Variants in MTMR3 observed in about 807,000 individuals in gnomAD.
MTMR3 encodes the protein myotubularin related protein 3, also known as phosphatidylinositol-3,5-bisphosphate 3-phosphatase MTMR3.
A neutral mutation model predicts 132.4 loss-of-function variants in MTMR3; 32 were observed. The observed-to-expected ratio is 0.24, with a 90% CI of 0.18 to 0.32. The LOEUF (loss-of-function observed/expected upper bound fraction) is 0.32, where lower values mean the gene tolerates loss of function less well. Among genes scored for constraint, MTMR3 ranks in the 10% least tolerant of loss-of-function variants. The pLI is 1.00. For missense variants in MTMR3, 1,216 were observed against 1,489.6 expected (o/e 0.82, Z 3.02); for synonymous variants, 556 against 550.3 (o/e 1.01, Z -0.14).
chr22:29,892,826 T>TATAC (rs2064825628), intron 1 of MTMR3, among the ~76,000 whole-genome samples: 2 of 152,242 alleles, frequency 1.3e-5, no homozygotes, highest in South Asian at 4.1e-4. Context: ...ATGATTGCTA[T>TATAC]ATACAGTGCT....
chr22:29,991,817 T>A, intron 7 of MTMR3, 147 bp downstream of exon 7: 2 of 762,416 alleles, frequency 2.6e-6, no homozygotes, highest in East Asian at 3.1e-5. Flanking sequence ...AGCATTCTTT[T>A]AAGCTTAATA....
At chr22:29,894,801 A>C (rs1028157898) in intron 1 of MTMR3, among the ~76,000 whole-genome samples, 3 of 152,176 alleles carry the variant, frequency 2.0e-5, no homozygotes, top group African/African-American at 7.2e-5. Flanking sequence ...TTTTGCTGTT[A>C]GTTTACTGCA....
In MTMR3 at chr22:30,020,588, A is replaced by G. The variant is rs757404207; in HGVS notation, c.2929A>G (p.Met977Val). The stretch of plus-strand genomic sequence containing the variant: ...CTCACTGAGCCGTCAGCTGTCTGCT[A>G]TGAGCTGCAGCTCTGCCCACTTACA... ...KDSLSRQLSA[M>V]SCSSAHLHSR... is the part of the protein sequence containing the mutation. The change falls in exon 17 of 20, where the codon ATG becomes GTG. Residue 977 changes from methionine (M) to valine (V), a missense_variant. Coordinates refer to ENST00000401950, the MANE Select transcript of MTMR3 (RefSeq NM_021090.4). 1.9e-6 allele frequency: 3 copies of G among 1,614,190 alleles called. No homozygotes were observed. The highest frequency in any genetic ancestry group is 1.1e-5 in the South Asian group (1 of 91,084).
intron 1 of MTMR3, among the ~76,000 whole-genome samples, chr22:29,907,287 A>G (rs2065122324): frequency 1.3e-5 from 2 of 151,882 alleles, no homozygotes; most frequent in Admixed American, 6.6e-5. Flanking sequence ...CTGTAGTCCC[A>G]GCTACTTGGG....
rs779037928 is a variant in MTMR3 at position 30,013,549 on chromosome 22, T to G, written c.1503+8T>G. ...TTCAATGAAGCATTCCTTGTAAGTT[T>G]CTTCATTTTGGGGACTTTCTCAATT... On this transcript the variant is annotated splice_region_variant and intron_variant, in intron 14 of 19. Coordinates refer to ENST00000401950, the MANE Select transcript of MTMR3 (RefSeq NM_021090.4). 1.2e-6 allele frequency: 2 copies of G among 1,612,534 alleles called. No individual in the cohort carries two copies. Among genetic ancestry groups the G allele is most frequent in the Non-Finnish European group, 1.7e-6 (2 of 1,179,032 alleles).
chr22:29,928,278 T>C (rs2065565964), intron 1 of MTMR3, among the ~76,000 whole-genome samples: 1 of 151,494 alleles, frequency 6.6e-6, no homozygotes, highest in African/African-American at 2.4e-5. Flanking sequence ...GGGTAGTGAT[T>C]CTCCTGCTTC....
At chr22:30,013,623 T>G in intron 14 of MTMR3, 82 bp downstream of exon 14, 1 of 1,298,702 alleles carries the variant, frequency 7.7e-7, no homozygotes, top group South Asian at 1.5e-5. Context: ...CACATGAAAC[T>G]GTGCTGCCTC....
chr22:30,014,344 G>A (rs934815436), intron 14 of MTMR3: 6 of 152,086 alleles, frequency 3.9e-5, no homozygotes, highest in African/African-American at 1.2e-4. Flanking sequence ...ATTACCATTT[G>A]GCACAGTTTA....
intron 1 of MTMR3, among the ~76,000 whole-genome samples, chr22:29,917,361 A>C (rs976833030): frequency 1.3e-5 from 2 of 152,214 alleles, no homozygotes; most frequent in Non-Finnish European, 2.9e-5. Context: ...AGAGGAGCCA[A>C]GTGGCTCATG....
intron 1 of MTMR3, among the ~76,000 whole-genome samples, chr22:29,906,722 C>T (rs1225063999): frequency 1.3e-5 from 2 of 152,174 alleles, no homozygotes; most frequent in Non-Finnish European, 2.9e-5. Flanking sequence ...TACTGTGGAA[C>T]TACTTGAGTT....
At chr22:29,968,943 T>TA (rs1289841780) in intron 2 of MTMR3, among the ~76,000 whole-genome samples, 3 of 152,164 alleles carry the variant, frequency 2.0e-5, no homozygotes, top group African/African-American at 7.2e-5. Context: ...TTCCAGCCTC[T>TA]AAAAAATGGT....
chr22:29,930,154 T>G (rs2065613440), intron 1 of MTMR3, among the ~76,000 whole-genome samples: 1 of 152,228 alleles, frequency 6.6e-6, no homozygotes, highest in African/African-American at 2.4e-5. Flanking sequence ...GTAAATTGTC[T>G]ACAACAAAAT....
rs1024732519 is a variant in MTMR3, at chr22:30,026,837, A to C, written c.*1036A>C. Reference sequence around the variant, plus strand: ...AGCCTTTAGAGTTACAAGCCCCTGGAAAAGGGAGCAGGTCCCATACAATCA... The same window carrying C: ...AGCCTTTAGAGTTACAAGCCCCTGGCAAAGGGAGCAGGTCCCATACAATCA... On this transcript the variant is annotated 3_prime_UTR_variant, in exon 20 of 20. Transcript: ENST00000401950. The C allele has an allele frequency of 7.2e-5, 11 of 152,796 alleles. No individual in the cohort carries two copies. Among genetic ancestry groups the C allele is most frequent in the African/African-American group, 2.7e-4 (11 of 41,432 alleles). The allele number at this position is 152,796 out of a possible 1,614,324, so 9.5% of individuals were successfully genotyped here. A position where few individuals can be genotyped will look rare whatever the true frequency, so the allele number is the denominator to read the frequency against.
intron 3 of MTMR3, among the ~76,000 whole-genome samples, chr22:29,972,223 C>G (rs1215076654): frequency 6.6e-6 from 1 of 152,180 alleles, no homozygotes; most frequent in Non-Finnish European, 1.5e-5. Flanking sequence ...AAGTGCTTGT[C>G]TAGTATTTCA....
At chr22:30,005,150 T>C (rs894659183) in intron 9 of MTMR3, 5 of 152,334 alleles carry the variant, frequency 3.3e-5, no homozygotes, top group South Asian at 2.1e-4. Context: ...TCTGTTCCTA[T>C]ATAAAATTGA....
Position 30,012,408 on chromosome 22 carries a change from T to C in MTMR3, c.1162T>C (p.Leu388=). The part of the protein sequence containing the change: ...ALESTKWLHH[L]SVLLKSALLV... ...TGAAAGCACAAAATGGCTCCATCAC[T>C]TGTCTGTGCTTCTGAAATCAGCGCT... The change falls in exon 13 of 20, where the codon TTG becomes CTG. Residue 388 remains leucine (L), a synonymous_variant. Transcript: ENST00000401950. The C allele has an allele frequency of 6.2e-7, 1 of 1,614,092 alleles. No homozygotes were observed. Among genetic ancestry groups the C allele is most frequent in the Non-Finnish European group, 8.5e-7 (1 of 1,179,984 alleles).
chr22:30,012,839 G>C (rs1211981566), intron 13 of MTMR3: 3 of 300,478 alleles, frequency 1.0e-5, no homozygotes, highest in Non-Finnish European at 1.8e-5. Flanking sequence ...GCTACCTCAG[G>C]AAAATAAGGA....
intron 15 of MTMR3, 156 bp downstream of exon 15, chr22:30,016,854 G>A (rs1601428434): frequency 1.2e-6 from 1 of 861,764 alleles, no homozygotes; most frequent in Non-Finnish European, 1.8e-6. Flanking sequence ...CTGTCCTGAG[G>A]AAGGCCTGCT....
intron 8 of MTMR3, chr22:30,000,961 C>T (rs2067159634): frequency 6.6e-6 from 1 of 152,134 alleles, no homozygotes; most frequent in Non-Finnish European, 1.5e-5. Flanking sequence ...TGAATTAAGA[C>T]AGACTTGTTG....
Sources: gnomAD v4.1 joint callset for allele counts (sites outside exome capture counted in the v4.1 genomes callset) on GRCh38, gnomAD v4.1.1 for gene constraint, MANE v1.5 for transcripts, NCBI Gene and HGNC (gene_info 2026-07-23, HGNC 2026-07-21) for gene names.